SUSD4: variants seen among roughly 807,000 people sequenced by gnomAD.
The protein encoded by SUSD4 is sushi domain-containing protein 4.
Under a neutral mutation model 50.5 loss-of-function variants are expected in SUSD4, and 41 were observed. That is an observed-to-expected ratio of 0.81 (90% CI 0.63 to 1.05). The LOEUF (loss-of-function observed/expected upper bound fraction) is 1.05, where lower values mean the gene tolerates loss of function less well. Among genes scored for constraint, SUSD4 ranks in the 50% least tolerant of loss-of-function variants. The pLI is 0.00. For missense variants in SUSD4, 580 were observed against 634.7 expected (o/e 0.91, Z 0.93); for synonymous variants, 257 against 257.3 (o/e 1.00, Z 0.01).
At chr1:223,270,005 G>A (rs563424251) in intron 3 of SUSD4, among the ~76,000 whole-genome samples, 1 of 152,280 alleles carries the variant, frequency 6.6e-6, no homozygotes, top group South Asian at 2.1e-4. Context: ...CTCGGAAAAG[G>A]GCACATCCAG....
At chr1:223,263,127 TAAC>T (rs1485169682) in intron 5 of SUSD4, among the ~76,000 whole-genome samples, 1 of 152,210 alleles carries the variant, frequency 6.6e-6, no homozygotes, top group Non-Finnish European at 1.5e-5. Context: ...GATAAAATCG[TAAC>T]AACGATATCT....
intron 3 of SUSD4, among the ~76,000 whole-genome samples, chr1:223,282,410 T>C (rs1486300577): frequency 6.6e-6 from 1 of 152,082 alleles, no homozygotes; most frequent in Non-Finnish European, 1.5e-5. Context: ...ACAAAATCAA[T>C]ATGCAAAAAT....
At chr1:223,262,473 C>T (rs1322356642) in intron 5 of SUSD4, among the ~76,000 whole-genome samples, 1 of 152,072 alleles carries the variant, frequency 6.6e-6, no homozygotes, top group Admixed American at 6.6e-5. Flanking sequence ...TGTTGAATAC[C>T]CTATGACAAC....
intron 4 of SUSD4, 55 bp from the exon 5 acceptor site, chr1:223,264,873 G>A (rs562892758): frequency 6.0e-5 from 94 of 1,562,534 alleles, no homozygotes; most frequent in South Asian, 5.7e-4. Context: ...TCTGTACATC[G>A]AAAAGTCACA....
intron 2 of SUSD4, among the ~76,000 whole-genome samples, chr1:223,350,687 A>G (rs1352145446): frequency 6.6e-6 from 1 of 152,246 alleles, no homozygotes; most frequent in Non-Finnish European, 1.5e-5. Flanking sequence ...GGAGTCCTTC[A>G]GCCCTCTTCT....
intron 2 of SUSD4, among the ~76,000 whole-genome samples, chr1:223,359,955 A>G (rs1305231450): frequency 6.6e-6 from 1 of 152,178 alleles, no homozygotes; most frequent in Non-Finnish European, 1.5e-5. Flanking sequence ...CTCAATGTTT[A>G]TTGAATGAAT....
rs1571830839 is a variant in SUSD4 at position 223,227,853 on chromosome 1, C to T, written c.917-115G>A. The T allele has an allele frequency of 7.3e-7, 1 of 1,360,862 alleles. No homozygotes were observed. Among genetic ancestry groups the T allele is most frequent in the Admixed American group, 2.3e-5 (1 of 43,830 alleles). 84.3% of individuals were successfully genotyped at this position (1,360,862 alleles called of 1,614,324 possible). A position where few individuals can be genotyped will look rare whatever the true frequency, so the allele number is the denominator to read the frequency against. ...GGCACAAGAGATGCGTGCAAGGTGC[C>T]TCTGACCCCCAGGGCTCGGCAGAGA... On this transcript the variant is annotated intron_variant, in intron 6 of 8. Transcript: ENST00000366878. The surrounding 1 kb of genome is among the most constrained non-coding windows in gnomAD (Gnocchi z 4.5).
intron 2 of SUSD4, among the ~76,000 whole-genome samples, chr1:223,336,636 T>C (rs1477942378): frequency 6.6e-6 from 1 of 152,194 alleles, no homozygotes; most frequent in Non-Finnish European, 1.5e-5. Flanking sequence ...AATTCCTCTA[T>C]GGACTTGTAT....
At chr1:223,255,739 C>T (rs1251220524) in intron 5 of SUSD4, among the ~76,000 whole-genome samples, 1 of 151,658 alleles carries the variant, frequency 6.6e-6, no homozygotes, top group East Asian at 1.9e-4. Context: ...AGAAGCTCCC[C>T]TGCTATATCA....
At chr1:223,271,344 T>C (rs1662908677) in intron 3 of SUSD4, among the ~76,000 whole-genome samples, 1 of 152,192 alleles carries the variant, frequency 6.6e-6, no homozygotes. Context: ...TTGTGTAATG[T>C]AGAACGCTTT....
chr1:223,264,728 C>A lies in SUSD4; in HGVS notation c.626G>T (p.Arg209Leu), dbSNP rs112912611. The change falls in exon 5 of 9, where the codon CGC becomes CTC. Residue 209 changes from arginine (R) to leucine (L), a missense_variant. Arg to Leu is a moderately radical substitution (Grantham distance 102). Transcript: ENST00000366878. The part of the protein sequence containing the change: ...SFPVGTVISY[R>L]CFPGFKLDGS... The stretch of plus-strand genomic sequence containing the variant: ...ATCAAGTTTAAATCCGGGAAAGCAG[C>A]GATAGGAGATCACAGTCCCCACCGG... 7.4e-6 allele frequency: 12 copies of A among 1,614,012 alleles called. No individual in the cohort carries two copies. The highest frequency in any genetic ancestry group is 1.3e-5 in the African/African-American group (1 of 74,900).
chr1:223,358,976 T>A (rs1668818361), intron 2 of SUSD4: 3 of 440,392 alleles, frequency 6.8e-6, no homozygotes, highest in Non-Finnish European at 9.6e-6. Context: ...TCAGAAAGCA[T>A]CTGTTTCCAC....
chr1:223,360,403 A>C, intron 2 of SUSD4: 1 of 336,236 alleles, frequency 3.0e-6, no homozygotes, highest in South Asian at 2.4e-5. Flanking sequence ...ACCTAATATG[A>C]GTTCTTGCAC....
intron 3 of SUSD4, among the ~76,000 whole-genome samples, chr1:223,277,410 T>C (rs1663358414): frequency 6.6e-6 from 1 of 152,116 alleles, no homozygotes; most frequent in Non-Finnish European, 1.5e-5. Context: ...TCCTGTGCTC[T>C]ATGCCACCTT....
At chr1:223,340,896 A>T (rs1486472523) in intron 2 of SUSD4, among the ~76,000 whole-genome samples, 2 of 152,112 alleles carry the variant, frequency 1.3e-5, no homozygotes. Context: ...AAAAAGACAC[A>T]CTTGACCTCA....
chr1:223,271,000 CT>C (rs1251143655), intron 3 of SUSD4, among the ~76,000 whole-genome samples: 5 of 151,764 alleles, frequency 3.3e-5, no homozygotes, highest in African/African-American at 1.2e-4. Flanking sequence ...CACACTGCTG[CT>C]GCCTTAATAG....
rs74943508 is a variant in SUSD4, at chr1:223,315,270, G to C, written c.149-22619C>G. ...GGGCCATCAGGTTAGGAGGACGTTA[G>C]AAGGTTGAATTCTGCTAAAGTGTAG... On this transcript the variant is annotated intron_variant, in intron 2 of 8. Coordinates refer to ENST00000366878, the MANE Select transcript of SUSD4 (RefSeq NM_017982.4). 9.4e-3 allele frequency among the ~76,000 whole-genome samples: 1,428 copies of C among 152,338 alleles called. 38 individuals carry two copies. The East Asian group carries it at 0.11, about 11-fold the overall frequency.
chr1:223,299,657 T>C (rs1665056387), intron 2 of SUSD4, among the ~76,000 whole-genome samples: 1 of 152,160 alleles, frequency 6.6e-6, no homozygotes, highest in South Asian at 2.1e-4. Context: ...CTGGATGAGA[T>C]GAACATTTGA....
intron 3 of SUSD4, among the ~76,000 whole-genome samples, chr1:223,269,955 T>C (rs1276062714): frequency 2.0e-5 from 3 of 152,062 alleles, no homozygotes; most frequent in East Asian, 3.9e-4. Flanking sequence ...CTGTGGCTAG[T>C]GGGTGAGTGG....
Sources: allele counts gnomAD v4.1 joint callset (sites outside exome capture counted in the v4.1 genomes callset), GRCh38; gene constraint gnomAD v4.1.1; non-coding constraint Gnocchi (gnomAD v3.1); transcripts MANE v1.5; gene names NCBI Gene and HGNC (gene_info 2026-07-23, HGNC 2026-07-21).